Variants in PSPC1 observed in about 807,000 individuals in gnomAD.
PSPC1 encodes paraspeckle protein 1.
PSPC1 carries 14 observed loss-of-function variants against 51.6 expected under a neutral mutation model. The observed-to-expected ratio is 0.27, with a 90% CI of 0.18 to 0.42. The LOEUF (loss-of-function observed/expected upper bound fraction) is 0.42, where lower values mean the gene tolerates loss of function less well. Ranked by LOEUF, PSPC1 falls within the 10% of genes least tolerant of loss-of-function variation. The pLI, the probability that PSPC1 is intolerant of heterozygous loss-of-function variation, is 1.00. For synonymous variants in PSPC1, 193 were observed against 231.9 expected, an observed-to-expected ratio of 0.83 and a Z score of 1.53; for missense variants, 406 against 701.1, an observed-to-expected ratio of 0.58 and a Z score of 4.75.
intron 1 of PSPC1, among the ~76,000 whole-genome samples, chr13:19,776,921 T>A (rs1282119530): frequency 6.9e-6 from 1 of 145,780 alleles, no homozygotes; most frequent in Non-Finnish European, 1.5e-5. Context: ...AGGTCAGGAG[T>A]TCAAGACCAG....
chr13:19,699,417 G>A (rs755587600), downstream of PSPC1: 1 of 151,406 alleles, frequency 6.6e-6, no homozygotes, highest in Admixed American at 6.6e-5. Flanking sequence ...TACACCACCA[G>A]AAAAACATGT....
intron 5 of PSPC1, among the ~76,000 whole-genome samples, chr13:19,734,890 A>C (rs996915975): frequency 6.6e-6 from 1 of 152,082 alleles, no homozygotes; most frequent in Non-Finnish European, 1.5e-5. Context: ...AGGCAGGAGA[A>C]TCACTTGAAC....
chr13:19,743,667 T>G (rs1885657621), intron 4 of PSPC1, among the ~76,000 whole-genome samples: 1 of 152,174 alleles, frequency 6.6e-6, no homozygotes, highest in Non-Finnish European at 1.5e-5. Flanking sequence ...AAAGTCTGTT[T>G]TGGTATATGA....
chr13:19,760,624 G>A (rs1887526818), intron 2 of PSPC1, among the ~76,000 whole-genome samples: 2 of 152,030 alleles, frequency 1.3e-5, no homozygotes, highest in Admixed American at 6.6e-5. Context: ...AAGCAGAGGC[G>A]GGGAAGATGG....
At chr13:19,680,399 T>C (rs1176544268) in intron 6 of PSPC1, among the ~76,000 whole-genome samples, 2 of 152,034 alleles carry the variant, frequency 1.3e-5, no homozygotes, top group Non-Finnish European at 2.9e-5. Flanking sequence ...TTTAAACTGG[T>C]CTTACAAAAA....
rs370445818 is a variant in PSPC1 at position 19,763,869 on chromosome 13, G to A, written c.675-4451C>T. Among the ~76,000 whole-genome samples the A allele has an allele frequency of 1.6e-3, 236 of 152,132 alleles. 1 individual carries two copies. The highest frequency in any genetic ancestry group is 5.4e-3 in the African/African-American group (226 of 41,508). On this transcript the variant is annotated intron_variant, in intron 2 of 8. Coordinates refer to ENST00000338910, the MANE Select transcript of PSPC1 (RefSeq NM_001354909.2). ...AAAAAATTGGCCGGGCATGGTGGCC[G>A]GGCAGCGGCTGTGGTCCCAACTACT...
chr13:19,747,117 A>T (rs1250907107), intron 4 of PSPC1, among the ~76,000 whole-genome samples: 2 of 151,886 alleles, frequency 1.3e-5, no homozygotes, highest in African/African-American at 4.8e-5. Context: ...TCAAAAAAAT[A>T]AAAAAAAATC....
chr13:19,742,187 G>A (rs1469625746), intron 4 of PSPC1, among the ~76,000 whole-genome samples: 13 of 151,388 alleles, frequency 8.6e-5, no homozygotes, highest in South Asian at 4.2e-4. Flanking sequence ...TTGGCTGGGC[G>A]CGGTGGCTCA....
chr13:19,745,659 G>A (rs925848684), intron 4 of PSPC1, among the ~76,000 whole-genome samples: 9 of 143,282 alleles, frequency 6.3e-5, no homozygotes, highest in Admixed American at 2.2e-4. Flanking sequence ...TCGCTCTGTC[G>A]CCCTGGCTGG....
chr13:19,750,019 T>C (rs941930583), intron 4 of PSPC1, among the ~76,000 whole-genome samples: 2 of 152,178 alleles, frequency 1.3e-5, no homozygotes, highest in Non-Finnish European at 2.9e-5. Context: ...TGAATAGTGA[T>C]GTACGAAATA....
chr13:19,778,026 G>A (rs1481810326), intron 1 of PSPC1, among the ~76,000 whole-genome samples: 3 of 151,922 alleles, frequency 2.0e-5, no homozygotes, highest in African/African-American at 4.8e-5. Context: ...GGCGGATCAC[G>A]AGGTCAATAG....
At chr13:19,677,901 CATTT>C (rs1593507652) in intron 6 of PSPC1, 1 of 451,636 alleles carries the variant, frequency 2.2e-6, no homozygotes, top group East Asian at 6.9e-5. Flanking sequence ...AGAGTTAACT[CATTT>C]AGTAAATTCA....
At chr13:19,764,667 G>C (rs896137425) in intron 2 of PSPC1, among the ~76,000 whole-genome samples, 13 of 85,098 alleles carry the variant, frequency 1.5e-4, no homozygotes, top group Admixed American at 5.8e-4. Context: ...ACCTGGGTAA[G>C]AGCAGAACTT....
chr13:19,764,926 T>C (rs938202998), intron 2 of PSPC1, among the ~76,000 whole-genome samples: 9 of 151,824 alleles, frequency 5.9e-5, no homozygotes, highest in Non-Finnish European at 2.9e-5. Context: ...TTTGTAGAGA[T>C]AGGGTTTTGC....
chr13:19,740,081 C>G (rs190286821), intron 5 of PSPC1, among the ~76,000 whole-genome samples: 2 of 152,004 alleles, frequency 1.3e-5, no homozygotes, highest in African/African-American at 4.8e-5. Context: ...CGGTGGCTCA[C>G]GCCTGTAATC....
At chr13:19,698,464 A>G (rs765336542), downstream of PSPC1, among the ~76,000 whole-genome samples, 1 of 151,948 alleles carries the variant, frequency 6.6e-6, no homozygotes, top group East Asian at 1.9e-4. Context: ...TGTCTTATTG[A>G]CTAAATTTAT....
At chr13:19,746,030 G>C (rs201341638) in intron 4 of PSPC1, among the ~76,000 whole-genome samples, 2 of 143,786 alleles carry the variant, frequency 1.4e-5, no homozygotes, top group East Asian at 4.2e-4. Flanking sequence ...TTTTTGAGAC[G>C]GAGTCTCGCT....
intron 4 of PSPC1, among the ~76,000 whole-genome samples, chr13:19,750,414 A>G (rs553472683): frequency 6.6e-6 from 1 of 151,312 alleles, no homozygotes; most frequent in South Asian, 2.1e-4. Context: ...CCTGGGCAAC[A>G]GAGCAAGACT....
rs543403915 is a variant in PSPC1, at chr13:19,736,563, A to G, written c.1052+5002T>C. Among the ~76,000 whole-genome samples, 104 of 152,162 alleles carry G rather than the reference A, an allele frequency of 6.8e-4. 1 individual carries two copies. The highest frequency in any genetic ancestry group is 5.8e-3 in the East Asian group (30 of 5,160). The stretch of plus-strand genomic sequence containing the variant: ...CCAGGTGTGGTGACAGGCGCCTGTA[A>G]TCCTAGCTACTCCGGAGGCTGAGGC... On this transcript the variant is annotated intron_variant, in intron 5 of 8. Coordinates refer to ENST00000338910, the MANE Select transcript of PSPC1 (RefSeq NM_001354909.2).
Sources: gnomAD v4.1 joint callset for allele counts (sites outside exome capture counted in the v4.1 genomes callset) on GRCh38, gnomAD v4.1.1 for gene constraint, MANE v1.5 for transcripts, NCBI Gene and HGNC (gene_info 2026-07-23, HGNC 2026-07-21) for gene names.